Variants in HERC5 observed in about 807,000 individuals in gnomAD.
HERC5 encodes the protein E3 ISG15--protein ligase HERC5.
A neutral mutation model predicts 119.6 loss-of-function variants in HERC5; 99 were observed. The ratio of observed to expected loss-of-function variants is 0.83; its 90% CI spans 0.70 to 0.98. The LOEUF is 0.98. Ranked by LOEUF, HERC5 falls within the 50% of genes least tolerant of loss-of-function variation. The probability of loss-of-function intolerance (pLI) is 0.00; values close to 1 mark genes in which losing one functional copy is unlikely to be tolerated. For synonymous variants in HERC5, 478 were observed against 445.9 expected, an observed-to-expected ratio of 1.07 and a Z score of -0.91; for missense variants, 1,267 against 1,241.3, an observed-to-expected ratio of 1.02 and a Z score of -0.31.
At chr4:88,495,296 C>T (rs1578065787) in intron 18 of HERC5, among the ~76,000 whole-genome samples, 1 of 152,070 alleles carries the variant, frequency 6.6e-6, no homozygotes, top group South Asian at 2.1e-4. Context: ...CCCTGTAATC[C>T]CAGCACTGCG....
rs751344156 is a variant in HERC5, at chr4:88,479,420, C to G, written c.1650C>G (p.Val550=). ...SKLVQMFKTA[V]ICQLDYWDES... is the part of the protein sequence containing the mutation. ...TGGTCCAGATGTTTAAAACAGCCGT[C>G]ATATGCCAGTTGGATTACTGGGATG... is the stretch of plus-strand genomic sequence containing the variant. The change falls in exon 13 of 23, where the codon GTC becomes GTG. Residue 550 remains valine (V), a synonymous_variant. Transcript: ENST00000264350. The G allele has an allele frequency of 6.2e-7, 1 of 1,613,258 alleles. No homozygotes were observed. Among genetic ancestry groups the G allele is most frequent in the Non-Finnish European group, 8.5e-7 (1 of 1,179,598 alleles).
At chr4:88,457,628 G>A (rs1740210747) in intron 1 of HERC5, 94 bp downstream of exon 1, 1 of 1,188,510 alleles carries the variant, frequency 8.4e-7, no homozygotes, top group Admixed American at 4.2e-5. Context: ...GCGCCTGAGG[G>A]AGGAGAGCCC....
intron 18 of HERC5, 133 bp from the exon 19 acceptor site, chr4:88,499,793 A>G (rs1741896425): frequency 8.4e-6 from 5 of 597,446 alleles, no homozygotes; most frequent in East Asian, 2.7e-5. Context: ...ATCAGTACGC[A>G]GAGAAAGAGG....
intron 13 of HERC5, among the ~76,000 whole-genome samples, chr4:88,482,711 G>A (rs1033786609): frequency 6.6e-6 from 1 of 152,276 alleles, no homozygotes; most frequent in African/African-American, 2.4e-5. Flanking sequence ...AGGCTTGGCT[G>A]GAGGAGAGCC....
At chr4:88,486,959 T>C in intron 14 of HERC5, 110 bp from the exon 15 acceptor site, 1 of 632,720 alleles carries the variant, frequency 1.6e-6, no homozygotes, top group East Asian at 2.9e-5. Flanking sequence ...TGGATTGCTT[T>C]TGTTGGAAGT....
intron 12 of HERC5, among the ~76,000 whole-genome samples, chr4:88,478,500 A>G (rs953352531): frequency 4.6e-5 from 7 of 152,184 alleles, no homozygotes; most frequent in Non-Finnish European, 1.0e-4. Context: ...TGTAGGATCA[A>G]CAAGTTTAGA....
At position 88,479,518 on chromosome 4, in the gene HERC5, C is replaced by T. The variant is rs2149097587; in HGVS notation, c.1737+11C>T. On this transcript the variant is annotated intron_variant, in intron 13 of 22. Transcript: ENST00000264350. ...AAGAAGCTGCACAGGGTAAGAGTTC[C>T]TTTAGAAACCTCTGTGTTTTTATCT... 3 of 1,538,468 alleles carry T rather than the reference C, an allele frequency of 1.9e-6. No individual in the cohort carries two copies. The highest frequency in any genetic ancestry group is 2.6e-6 in the Non-Finnish European group (3 of 1,146,862).
intron 13 of HERC5, 115 bp downstream of exon 13, chr4:88,479,622 TATTTTTTTA>T: frequency 2.8e-6 from 2 of 709,300 alleles, no homozygotes; most frequent in East Asian, 6.4e-5. Flanking sequence ...TTTATATTGC[TATTTTTTTA>T]ATTTTTTTTT....
chr4:88,477,926 A>C (rs1299450137), intron 12 of HERC5, among the ~76,000 whole-genome samples: 1 of 152,196 alleles, frequency 6.6e-6, no homozygotes, highest in African/African-American at 2.4e-5. Flanking sequence ...GGAAGCACAA[A>C]AAGAAAGTTG....
Position 88,470,645 on chromosome 4 carries a change from T to G in HERC5, c.1270T>G (p.Cys424Gly). The G allele has an allele frequency of 1.3e-6, 2 of 1,512,732 alleles. No homozygotes were observed. The highest frequency in any genetic ancestry group is 1.8e-6 in the Non-Finnish European group (2 of 1,093,352). The allele number at this position is 1,512,732 out of a possible 1,614,324, so 93.7% of individuals were successfully genotyped here. A position where few individuals can be genotyped will look rare whatever the true frequency, so the allele number is the denominator to read the frequency against. Reference protein sequence around the residue: ...EIQEIFSSPACLTGSFLRKRR... With the variant: ...EIQEIFSSPAGLTGSFLRKRR... ...CCAAGAGATATTTTCATCTCCTGCT[T>G]GTCTAACTGGAAGTTTTTTAAGGAA... The change falls in exon 10 of 23, where the codon TGT (cysteine) becomes GGT (glycine). Residue 424 changes from cysteine (C) to glycine (G), a missense_variant. Around this residue, in one of 3 missense-constraint regions of HERC5, gnomAD observed 777 missense variants for 758.0 expected, o/e 1.03. Transcript: ENST00000264350.
intron 1 of HERC5, 48 bp from the exon 2 acceptor site, chr4:88,459,299 G>A (rs1217152756): frequency 6.9e-7 from 1 of 1,459,256 alleles, no homozygotes; most frequent in Non-Finnish European, 9.1e-7. Context: ...GTAATACAGT[G>A]GGTAATAATC....
At chr4:88,496,808 C>T (rs1190447946) in intron 18 of HERC5, among the ~76,000 whole-genome samples, 2 of 152,094 alleles carry the variant, frequency 1.3e-5, no homozygotes, top group African/African-American at 4.8e-5. Flanking sequence ...CTTTCTTCAT[C>T]AAGAGGGTGT....
intron 12 of HERC5, among the ~76,000 whole-genome samples, chr4:88,476,926 A>G (rs1313586113): frequency 3.3e-5 from 5 of 151,996 alleles, no homozygotes; most frequent in Non-Finnish European, 5.9e-5. Flanking sequence ...TCCCAAAAAA[A>G]AAAGAACATG....
intron 1 of HERC5, among the ~76,000 whole-genome samples, chr4:88,458,407 T>C (rs532030597): frequency 3.9e-5 from 6 of 152,240 alleles, no homozygotes; most frequent in Non-Finnish European, 8.8e-5. Context: ...GTTTTTTTTT[T>C]TAAGTTAAAA....
chr4:88,480,160 A>G (rs1741233399), intron 13 of HERC5, among the ~76,000 whole-genome samples: 2 of 151,882 alleles, frequency 1.3e-5, no homozygotes, highest in Admixed American at 1.3e-4. Context: ...AGAGGTAGTC[A>G]TGATCTTGGA....
At chr4:88,463,246 T>G (rs773230600) in intron 4 of HERC5, among the ~76,000 whole-genome samples, 19 of 152,216 alleles carry the variant, frequency 1.2e-4, no homozygotes, top group Non-Finnish European at 1.5e-5. Flanking sequence ...TGGAAATATC[T>G]AATGTGCTGC....
chr4:88,469,507 G>A (rs1422336937), intron 9 of HERC5, among the ~76,000 whole-genome samples: 3 of 152,186 alleles, frequency 2.0e-5, no homozygotes, highest in African/African-American at 7.2e-5. Flanking sequence ...GGGCTGGCAA[G>A]TCCAAAATCT....
chr4:88,464,008 GAATT>G, intron 6 of HERC5, 23 bp downstream of exon 6: 2 of 1,595,754 alleles, frequency 1.3e-6, no homozygotes, highest in South Asian at 2.3e-5. Context: ...GTATCAATAA[GAATT>G]GATAAAATGA....
chr4:88,488,723 A>G (rs1741544663), intron 15 of HERC5, among the ~76,000 whole-genome samples: 1 of 151,540 alleles, frequency 6.6e-6, no homozygotes, highest in African/African-American at 2.4e-5. Flanking sequence ...GACATCTCTC[A>G]TAACCTGGAT....
Sources: allele counts gnomAD v4.1 joint callset (sites outside exome capture counted in the v4.1 genomes callset), GRCh38; gene constraint gnomAD v4.1.1; regional missense constraint gnomAD v4.1.1; transcripts MANE v1.5; gene names NCBI Gene and HGNC (gene_info 2026-07-23, HGNC 2026-07-21).